ADAR: variants seen among roughly 807,000 people sequenced by gnomAD.
ADAR encodes double-stranded RNA-specific adenosine deaminase.
A neutral mutation model predicts 113.2 loss-of-function variants in ADAR; 41 were observed. That is an observed-to-expected ratio of 0.36 (90% CI 0.28 to 0.47). The LOEUF is 0.47. Ranked by LOEUF, ADAR falls within the 20% of genes least tolerant of loss-of-function variation. The pLI is 1.00. For missense variants in ADAR, 1,242 were observed against 1,540.9 expected, an observed-to-expected ratio of 0.81 and a Z score of 3.25; for synonymous variants, 605 against 572.6, an observed-to-expected ratio of 1.06 and a Z score of -0.81.
intron 8 of ADAR, 80 bp downstream of exon 8, chr1:154,589,677 A>C: frequency 1.9e-6 from 3 of 1,555,048 alleles, no homozygotes; most frequent in Non-Finnish European, 2.7e-6. Flanking sequence ...TTGGACTTAC[A>C]TGCATGGACT....
At chr1:154,595,521 T>G (rs977362650) in intron 6 of ADAR, among the ~76,000 whole-genome samples, 5 of 151,736 alleles carry the variant, frequency 3.3e-5, no homozygotes, top group African/African-American at 1.2e-4. Flanking sequence ...ATAAAAAAAT[T>G]TACAAACAGA....
At chr1:154,588,353 T>G in intron 10 of ADAR, 95 bp from the exon 11 acceptor site, 1 of 1,586,352 alleles carries the variant, frequency 6.3e-7, no homozygotes, top group Non-Finnish European at 8.6e-7. Context: ...GCAAGGGATG[T>G]TTTCTAAGGC....
upstream of ADAR, among the ~76,000 whole-genome samples, chr1:154,613,066 C>G (rs1407569224): frequency 1.3e-5 from 2 of 152,080 alleles, no homozygotes; most frequent in African/African-American, 4.8e-5. Context: ...CTGCCTCGGC[C>G]TCCCAAAATG....
chr1:154,608,492 C>CTTTTTTTTTTTTTT (rs67463447), upstream of ADAR, among the ~76,000 whole-genome samples: 1,505 of 65,734 alleles, frequency 0.023, 15 homozygotes, highest in Middle Eastern at 0.04. Context: ...TCACTCCTGG[C>CTTTTTTTTTTTTTT]TTTTTTTTTT....
intron 1 of ADAR, among the ~76,000 whole-genome samples, chr1:154,626,003 CAAAAA>C (rs60388172): frequency 2.4e-5 from 2 of 82,430 alleles, no homozygotes; most frequent in Non-Finnish European, 2.4e-5. Flanking sequence ...GACTCTGTCT[CAAAAA>C]AAAAAAAAAA....
chr1:154,600,889 G>A, intron 2 of ADAR, 152 bp downstream of exon 2: 1 of 1,078,472 alleles, frequency 9.3e-7, no homozygotes, highest in South Asian at 1.3e-5. Context: ...CTGGAGAAAG[G>A]GCCAATCAAG....
At chr1:154,598,139 A>T (rs1422923086) in intron 3 of ADAR, among the ~76,000 whole-genome samples, 163 bp from the exon 4 acceptor site, 1 of 152,188 alleles carries the variant, frequency 6.6e-6, no homozygotes, top group East Asian at 1.9e-4. Context: ...GCATCTTCCA[A>T]GAGAGGAGAT....
In ADAR at chr1:154,588,691, G is replaced by T; in HGVS notation, c.2763-18C>A. 1 of 1,614,070 alleles carries T rather than the reference G, an allele frequency of 6.2e-7. No homozygotes were observed. Among genetic ancestry groups the T allele is most frequent in the Non-Finnish European group, 8.5e-7 (1 of 1,180,002 alleles). On this transcript the variant is annotated intron_variant, in intron 9 of 14. Coordinates refer to ENST00000368474, the MANE Select transcript of ADAR (RefSeq NM_001111.5). ...AGAGAAACCTACAAAAAGAAAGTCT[G>T]GTTAGGAAGGCAGGTTCAATTCTGG...
intron 1 of ADAR, among the ~76,000 whole-genome samples, 169 bp downstream of exon 1, chr1:154,607,823 A>T (rs113530848): frequency 3.3e-5 from 5 of 150,612 alleles, no homozygotes; most frequent in South Asian, 4.2e-4. Flanking sequence ...ACACACACAC[A>T]CTCACAAGAC....
At chr1:154,608,994 T>C (rs1327479999), upstream of ADAR, among the ~76,000 whole-genome samples, 1 of 152,232 alleles carries the variant, frequency 6.6e-6, no homozygotes, top group Non-Finnish European at 1.5e-5. Flanking sequence ...ATTTAGGATC[T>C]AGGTCATAAA....
chr1:154,585,409 G>T, intron 13 of ADAR, 65 bp from the exon 14 acceptor site: 1 of 1,607,724 alleles, frequency 6.2e-7, no homozygotes. Flanking sequence ...CTGAAGCAGG[G>T]ACTCAAGACT....
chr1:154,599,339 G>A lies in ADAR; in HGVS notation c.1602-754C>T, dbSNP rs1453177619. ...ATTTCCTAGGTCTTCTGATATATTT[G>A]AACATGGCACCAATGTTTCTTTTAG... On this transcript the variant is annotated intron_variant, in intron 2 of 14. Transcript: ENST00000368474. Among the ~76,000 whole-genome samples the A allele has an allele frequency of 3.3e-5, 5 of 152,162 alleles. No individual in the cohort carries two copies. The South Asian group carries it at 8.3e-4, about 25-fold the overall frequency.
chr1:154,602,095 C>A lies in ADAR; in HGVS notation c.547G>T (p.Gly183Cys), dbSNP rs779939725. Residue 183 changes from glycine to cysteine, a missense_variant, in exon 2 of 15, where the codon GGC becomes TGC. Physicochemically the swap from Gly to Cys is radical, Grantham distance 159. This residue lies in a region of ADAR where 462 missense variants were observed against 483.1 expected (regional missense o/e 0.96). Transcript: ENST00000368474. Reference sequence around the variant, plus strand: ...GTTCCTGCCTCTTTCTGTAGCTTGCCCTTCTTTGCCAGGGAGTATAAAACT... The same window carrying A: ...GTTCCTGCCTCTTTCTGTAGCTTGCACTTCTTTGCCAGGGAGTATAAAACT... ...NRVLYSLAKK[G>C]KLQKEAGTPP... The A allele has an allele frequency of 6.2e-7, 1 of 1,614,220 alleles. No homozygotes were observed. The highest frequency in any genetic ancestry group is 2.2e-5 in the East Asian group (1 of 44,892).
At chr1:154,596,625 T>C (rs773194333) in intron 6 of ADAR, among the ~76,000 whole-genome samples, 180 bp downstream of exon 6, 1 of 151,968 alleles carries the variant, frequency 6.6e-6, no homozygotes, top group Non-Finnish European at 1.5e-5. Context: ...ACTGGAAGAG[T>C]GAACGCATTC....
intron 2 of ADAR, among the ~76,000 whole-genome samples, chr1:154,599,118 T>A (rs955745198): frequency 2.6e-5 from 4 of 152,204 alleles, no homozygotes; most frequent in African/African-American, 9.6e-5. Context: ...TAGTTTGTTA[T>A]GAGTCACTCT....
At position 154,613,904 on chromosome 1, in the gene ADAR, C is replaced by CCAAA. The variant is rs59907056; in HGVS notation, c.-870-11279_-870-11278insTTTG. Among the ~76,000 whole-genome samples the CCAAA allele has an allele frequency of 1.2e-3, 148 of 124,194 alleles. 6 individuals carry two copies. The highest frequency in any genetic ancestry group is 4.2e-3 in the Middle Eastern group (1 of 238). The allele number at this position is 124,194 out of a possible 152,430, so 81.5% of individuals were successfully genotyped here. A position where few individuals can be genotyped will look rare whatever the true frequency, so the allele number is the denominator to read the frequency against. On this transcript the variant is annotated intron_variant, in intron 1 of 14. Transcript: ENST00000368471. Reference sequence around the variant, plus strand: ...GAGCAACAAGAGCGAAACTCCATCTCAAAAAAAAAAAAAAAGAAAGCAAGA... The same window carrying CCAAA: ...GAGCAACAAGAGCGAAACTCCATCTCCAAAAAAAAAAAAAAAAAAGAAAGCAAGA...
intron 6 of ADAR, among the ~76,000 whole-genome samples, chr1:154,593,135 CAAA>C (rs66567439): frequency 2.7e-5 from 2 of 74,656 alleles, no homozygotes; most frequent in African/African-American, 5.3e-5. Flanking sequence ...ACTCCATCTC[CAAA>C]AAAAAAAAAA....
At chr1:154,614,160 T>C (rs1698569246) in intron 1 of ADAR, among the ~76,000 whole-genome samples, 1 of 152,244 alleles carries the variant, frequency 6.6e-6, no homozygotes, top group Admixed American at 6.5e-5. Flanking sequence ...CTTTTGCAAG[T>C]ATGTATAACT....
chr1:154,623,330 A>G (rs1557906622), intron 1 of ADAR, among the ~76,000 whole-genome samples: 1 of 152,244 alleles, frequency 6.6e-6, no homozygotes, highest in Non-Finnish European at 1.5e-5. Flanking sequence ...CGGAGAGCAC[A>G]TAATGGATGC....
Sources: gnomAD v4.1 joint callset for allele counts (sites outside exome capture counted in the v4.1 genomes callset) on GRCh38, gnomAD v4.1.1 for gene constraint, gnomAD v4.1.1 regional missense constraint, MANE v1.5 for transcripts, NCBI Gene and HGNC (gene_info 2026-07-23, HGNC 2026-07-21) for gene names.